The following MBOAT1 variants were observed in gnomAD, a reference collection of about 807,000 sequenced individuals.
MBOAT1 encodes membrane-bound glycerophospholipid O-acyltransferase 1.
MBOAT1 carries 67 observed loss-of-function variants against 64.4 expected under a neutral mutation model. That is an observed-to-expected ratio of 1.04 (90% CI 0.85 to 1.27). The LOEUF is 1.27. MBOAT1 is among the 50% of genes most tolerant of loss of function. The pLI is 0.00. For missense variants in MBOAT1, 563 were observed against 604.6 expected (o/e 0.93, Z 0.72); for synonymous variants, 229 against 218.9 (o/e 1.05, Z -0.41).
chr6:20,106,722 A>G (rs963278432), intron 12 of MBOAT1, among the ~76,000 whole-genome samples: 1 of 152,180 alleles, frequency 6.6e-6, no homozygotes, highest in African/African-American at 2.4e-5. Context: ...GCGCCCGACC[A>G]TCATAGAAAC....
chr6:20,160,014 A>G (rs141379497), intron 1 of MBOAT1, among the ~76,000 whole-genome samples: 1 of 152,320 alleles, frequency 6.6e-6, no homozygotes, highest in African/African-American at 2.4e-5. Context: ...TATTTTGATC[A>G]GATTCCTATA....
At chr6:20,190,287 C>A (rs973228852) in intron 1 of MBOAT1, among the ~76,000 whole-genome samples, 1 of 152,168 alleles carries the variant, frequency 6.6e-6, no homozygotes, top group Non-Finnish European at 1.5e-5. Context: ...GCCACTGTAC[C>A]TGGCCGCTCT....
intron 11 of MBOAT1, among the ~76,000 whole-genome samples, 192 bp from the exon 12 acceptor site, chr6:20,109,941 GCT>G (rs1425753204): frequency 8.3e-6 from 1 of 120,066 alleles, no homozygotes; most frequent in Non-Finnish European, 1.6e-5. Flanking sequence ...ATGGAGTCTC[GCT>G]CTGTCGCCCA....
intron 1 of MBOAT1, among the ~76,000 whole-genome samples, chr6:20,160,030 G>C (rs183726416): frequency 6.6e-6 from 1 of 152,230 alleles, no homozygotes; most frequent in Non-Finnish European, 1.5e-5. Flanking sequence ...CTATAAACAA[G>C]CAAGACTGAC....
chr6:20,124,297 C>T, intron 8 of MBOAT1, 111 bp downstream of exon 8: 1 of 1,055,772 alleles, frequency 9.5e-7, no homozygotes, highest in Non-Finnish European at 1.4e-6. Flanking sequence ...AACTGCCTCC[C>T]ATTACGTGTT....
chr6:20,194,197 A>C (rs1014595496), intron 1 of MBOAT1, among the ~76,000 whole-genome samples: 3 of 152,234 alleles, frequency 2.0e-5, no homozygotes, highest in African/African-American at 7.2e-5. Flanking sequence ...AATTATTAGA[A>C]TAACACAGAG....
chr6:20,191,026 C>T (rs904513654), intron 1 of MBOAT1, among the ~76,000 whole-genome samples: 1 of 152,252 alleles, frequency 6.6e-6, no homozygotes, highest in Non-Finnish European at 1.5e-5. Flanking sequence ...TCTCCTCAAA[C>T]AGCCAATAAT....
At chr6:20,211,907 C>G (rs1161338018) in intron 1 of MBOAT1, among the ~76,000 whole-genome samples, 1 of 151,884 alleles carries the variant, frequency 6.6e-6, no homozygotes, top group African/African-American at 2.4e-5. Flanking sequence ...GCCGCGCAGG[C>G]TGTACCAATA....
In MBOAT1 at chr6:20,109,738, G is replaced by A; in HGVS notation, c.1221C>T (p.Asn407=). ...TTGAAGAAAGGAAGTAATGTCTGTA[G>A]TTGTTCCTGACCTGCAGGCCAACAC... The part of the protein sequence containing the change: ...VTLAARAVRN[N]YRHYFLSSRA... The change falls in exon 12 of 13, where the codon AAC becomes AAT. Residue 407 remains asparagine (N), a synonymous_variant. Coordinates refer to ENST00000324607, the MANE Select transcript of MBOAT1 (RefSeq NM_001080480.3). 6.2e-7 allele frequency: 1 copy of A among 1,613,812 alleles called. No homozygotes were observed. Among genetic ancestry groups the A allele is most frequent in the Non-Finnish European group, 8.5e-7 (1 of 1,179,792 alleles).
At chr6:20,182,955 G>A (rs113737152) in intron 1 of MBOAT1, among the ~76,000 whole-genome samples, 65 of 152,278 alleles carry the variant, frequency 4.3e-4, no homozygotes, top group African/African-American at 1.5e-3. Flanking sequence ...TTCACAGATA[G>A]AACAGTTTCA....
chr6:20,118,447 C>T lies in MBOAT1; in HGVS notation c.1001G>A (p.Trp334Ter). Residue 334 changes from tryptophan (W) to a stop codon, truncating the protein, a stop_gained, in exon 9 of 13, where the codon TGG becomes TAG. Coordinates refer to ENST00000324607, the MANE Select transcript of MBOAT1 (RefSeq NM_001080480.3). LOFTEE classifies it high-confidence loss of function. ...AAAGCATACACTCACCTCAATTTTC[C>T]AGATGTTTAGGTTCGAAAGCAGATC... ...CWDLLSNLNIWKIETATSFKM... is the reference protein window; with the variant it reads ...CWDLLSNLNI 1 of 1,613,726 alleles carries T rather than the reference C, an allele frequency of 6.2e-7. No individual in the cohort carries two copies. The highest frequency in any genetic ancestry group is 8.5e-7 in the Non-Finnish European group (1 of 1,179,778).
chr6:20,166,252 C>T (rs16883463), intron 1 of MBOAT1, among the ~76,000 whole-genome samples: 5,560 of 152,176 alleles, frequency 0.037, 331 homozygotes, highest in African/African-American at 0.13. Context: ...CTAGCTTGTA[C>T]TTTTTAAAGC....
intron 4 of MBOAT1, 38 bp downstream of exon 4, chr6:20,144,182 C>A: frequency 7.3e-7 from 1 of 1,365,874 alleles, no homozygotes; most frequent in Non-Finnish European, 1.0e-6. Flanking sequence ...AAGTCAAAGT[C>A]AGCAGTAAAA....
At chr6:20,189,817 G>C (rs2113754193) in intron 1 of MBOAT1, among the ~76,000 whole-genome samples, 1 of 152,140 alleles carries the variant, frequency 6.6e-6, no homozygotes, top group South Asian at 2.1e-4. Flanking sequence ...ATTTCACTTA[G>C]CATAATGTCC....
chr6:20,110,088 T>C (rs1306525496), intron 11 of MBOAT1, among the ~76,000 whole-genome samples: 1 of 151,602 alleles, frequency 6.6e-6, no homozygotes, highest in East Asian at 1.9e-4. Context: ...TTTTTGTATT[T>C]TTAGTAGAGC....
In MBOAT1 at chr6:20,124,606, A is replaced by T; in HGVS notation, c.715-6T>A. On this transcript the variant is annotated splice_region_variant and splice_polypyrimidine_tract_variant and intron_variant, in intron 7 of 12. Transcript: ENST00000324607. ...AACTTGTGTATCACAGCTCCCTGAA[A>T]ATGGGGAAAAATCAGTGTCACCGTG... 6.2e-7 allele frequency: 1 copy of T among 1,613,554 alleles called. No homozygotes were observed. Among genetic ancestry groups the T allele is most frequent in the Non-Finnish European group, 8.5e-7 (1 of 1,179,672 alleles).
At chr6:20,208,832 GGAA>G (rs1290351938) in intron 1 of MBOAT1, among the ~76,000 whole-genome samples, 3 of 152,152 alleles carry the variant, frequency 2.0e-5, no homozygotes, top group Non-Finnish European at 2.9e-5. Flanking sequence ...CCACCAAATT[GGAA>G]GTTCCTTAAA....
At chr6:20,146,511 C>T (rs1354999935) in intron 3 of MBOAT1, among the ~76,000 whole-genome samples, 1 of 152,330 alleles carries the variant, frequency 6.6e-6, no homozygotes, top group South Asian at 2.1e-4. Flanking sequence ...GAGAAAATAA[C>T]TCCCTTAGGA....
At chr6:20,157,423 G>A (rs948931814) in intron 1 of MBOAT1, among the ~76,000 whole-genome samples, 1 of 152,188 alleles carries the variant, frequency 6.6e-6, no homozygotes, top group Non-Finnish European at 1.5e-5. Flanking sequence ...AGAAAATGTT[G>A]CAAAAATAAC....
Sources: gnomAD v4.1 joint callset for allele counts (sites outside exome capture counted in the v4.1 genomes callset) on GRCh38, gnomAD v4.1.1 for gene constraint, MANE v1.5 for transcripts, NCBI Gene and HGNC (gene_info 2026-07-23, HGNC 2026-07-21) for gene names.